CACNA2D1: variants seen among roughly 807,000 people sequenced by gnomAD.
The protein encoded by CACNA2D1 is calcium voltage-gated channel auxiliary subunit alpha2delta 1.
A neutral mutation model predicts 171.5 loss-of-function variants in CACNA2D1; 53 were observed. The observed-to-expected ratio is 0.31, with a 90% CI of 0.25 to 0.39. The LOEUF (loss-of-function observed/expected upper bound fraction) is 0.39. CACNA2D1 is among the 10% of genes least tolerant of loss of function. The pLI, the probability that CACNA2D1 is intolerant of heterozygous loss-of-function variation, is 1.00. For synonymous variants in CACNA2D1, 442 were observed against 443.1 expected (o/e 1.00, Z 0.03); for missense variants, 903 against 1,299.8 (o/e 0.69, Z 4.69).
intron 3 of CACNA2D1, among the ~76,000 whole-genome samples, chr7:82,265,683 A>G (rs568047859): frequency 6.6e-6 from 1 of 152,086 alleles, no homozygotes; most frequent in Non-Finnish European, 1.5e-5. Context: ...AGTATTATTT[A>G]GCTGTCTCGA....
chr7:82,368,638 T>C (rs1822011429), intron 1 of CACNA2D1, among the ~76,000 whole-genome samples: 1 of 152,200 alleles, frequency 6.6e-6, no homozygotes, highest in Non-Finnish European at 1.5e-5. Flanking sequence ...ACTAGAATTC[T>C]ATTATTGAAC....
intron 1 of CACNA2D1, among the ~76,000 whole-genome samples, chr7:82,412,465 T>C (rs1827777759): frequency 6.6e-6 from 1 of 151,868 alleles, no homozygotes; most frequent in Admixed American, 6.6e-5. Flanking sequence ...GTATGTTTAG[T>C]AGAGATGCGG....
At chr7:82,407,441 T>C (rs1269302308) in intron 1 of CACNA2D1, among the ~76,000 whole-genome samples, 1 of 152,208 alleles carries the variant, frequency 6.6e-6, no homozygotes, top group Non-Finnish European at 1.5e-5. Context: ...TATTTATTAA[T>C]TGATTTTTTT....
At chr7:82,257,402 T>G (rs1165215808) in intron 3 of CACNA2D1, among the ~76,000 whole-genome samples, 1 of 152,196 alleles carries the variant, frequency 6.6e-6, no homozygotes, top group Non-Finnish European at 1.5e-5. Context: ...TCATCTATTT[T>G]CAGGGAAAAA....
chr7:81,969,835 A>C, intron 28 of CACNA2D1, 46 bp downstream of exon 28: 1 of 1,060,060 alleles, frequency 9.4e-7, no homozygotes. Context: ...GCAGTAATTT[A>C]TTATTTAAAA....
chr7:82,392,341 C>T (rs1222342380), intron 1 of CACNA2D1, among the ~76,000 whole-genome samples: 1 of 152,246 alleles, frequency 6.6e-6, no homozygotes. Context: ...GGGGGCCACC[C>T]TCATGTCCCC....
chr7:82,365,164 G>T (rs774358995), intron 1 of CACNA2D1, among the ~76,000 whole-genome samples: 1 of 152,130 alleles, frequency 6.6e-6, no homozygotes, highest in Non-Finnish European at 1.5e-5. Flanking sequence ...GACTAGAAAG[G>T]AACGCACATT....
intron 1 of CACNA2D1, among the ~76,000 whole-genome samples, chr7:82,401,853 C>T (rs530561357): frequency 1.1e-4 from 17 of 151,946 alleles, no homozygotes; most frequent in African/African-American, 4.1e-4. Context: ...ATGGGGAAGA[C>T]AGAAAATGTG....
At chr7:82,000,601 T>A (rs2130825149) in intron 18 of CACNA2D1, among the ~76,000 whole-genome samples, 1 of 151,998 alleles carries the variant, frequency 6.6e-6, no homozygotes, top group South Asian at 2.1e-4. Context: ...CTTATTTATT[T>A]ACTCATTTTG....
intron 1 of CACNA2D1, among the ~76,000 whole-genome samples, chr7:82,429,421 T>C (rs1829483772): frequency 6.6e-6 from 1 of 152,070 alleles, no homozygotes; most frequent in South Asian, 2.1e-4. Context: ...CGATTCTGAG[T>C]AGCCTGCTGA....
chr7:81,981,276 C>A (rs1435959079), intron 24 of CACNA2D1, among the ~76,000 whole-genome samples: 1 of 152,076 alleles, frequency 6.6e-6, no homozygotes, highest in East Asian at 1.9e-4. Context: ...AGTGAATATG[C>A]AGCCAGAGAG....
chr7:82,303,601 T>A (rs1367919802), intron 3 of CACNA2D1, among the ~76,000 whole-genome samples: 1 of 151,936 alleles, frequency 6.6e-6, no homozygotes, highest in South Asian at 2.1e-4. Flanking sequence ...CATAGACCAA[T>A]GGAACAGAAC....
intron 3 of CACNA2D1, among the ~76,000 whole-genome samples, chr7:82,241,215 G>C (rs991786596): frequency 2.6e-5 from 4 of 152,048 alleles, no homozygotes; most frequent in African/African-American, 9.7e-5. Flanking sequence ...CCCTGATTAC[G>C]AATCAGACAC....
chr7:82,292,002 C>G (rs1811700985), intron 3 of CACNA2D1, among the ~76,000 whole-genome samples: 1 of 129,338 alleles, frequency 7.7e-6, no homozygotes, highest in Non-Finnish European at 1.5e-5. Flanking sequence ...CACATGCACG[C>G]ACACACACAC....
At chr7:82,186,189 AAGGGAGGGAGGG>A (rs539998713) in intron 3 of CACNA2D1, among the ~76,000 whole-genome samples, 46 of 102,430 alleles carry the variant, frequency 4.5e-4, no homozygotes, top group Admixed American at 1.1e-3. Context: ...GGAAGGAAGG[AAGGGAGGGAGGG>A]AGGGAGGGAG....
At chr7:82,019,004 G>GGTGGAT (rs1191365124) in intron 12 of CACNA2D1, among the ~76,000 whole-genome samples, 9 of 146,746 alleles carry the variant, frequency 6.1e-5, no homozygotes, top group African/African-American at 1.8e-4. Flanking sequence ...GTGGGGGTGG[G>GGTGGAT]GTGGATGGGG....
intron 7 of CACNA2D1, among the ~76,000 whole-genome samples, chr7:82,081,773 T>C (rs1383159687): frequency 6.6e-6 from 1 of 152,180 alleles, no homozygotes; most frequent in Non-Finnish European, 1.5e-5. Flanking sequence ...CCCCATCTAC[T>C]GTGCCTGCTG....
chr7:82,375,742 T>G (rs1822949662), intron 1 of CACNA2D1, among the ~76,000 whole-genome samples: 1 of 152,186 alleles, frequency 6.6e-6, no homozygotes, highest in Non-Finnish European at 1.5e-5. Context: ...TTTAGCACAG[T>G]GCTTAGTAAA....
At position 82,363,254 on chromosome 7, in the gene CACNA2D1, CTTTTTTTTTTTTTTTTT is replaced by C. The variant is rs35419275; in HGVS notation, c.96-13622_96-13606del. On this transcript the variant is annotated intron_variant, in intron 1 of 38. Coordinates refer to ENST00000356860, the MANE Select transcript of CACNA2D1 (RefSeq NM_000722.4). Reference sequence around the variant, plus strand: ...CTACCATAGTTTTATTTATTTGTCTCTTTTTTTTTTTTTTTTTTTTTTTTTTTTTGAGACGGAGTCTC... The same window carrying C: ...CTACCATAGTTTTATTTATTTGTCTCTTTTTTTTTTTTGAGACGGAGTCTC... 6.3e-5 allele frequency among the ~76,000 whole-genome samples: 4 copies of C among 63,420 alleles called. 1 individual carries two copies. Among genetic ancestry groups the C allele is most frequent in the African/African-American group, 1.7e-4 (2 of 11,950 alleles). 41.6% of individuals were successfully genotyped at this position (63,420 alleles called of 152,430 possible).
Sources: gnomAD v4.1 joint callset for allele counts (sites outside exome capture counted in the v4.1 genomes callset) on GRCh38, gnomAD v4.1.1 for gene constraint, MANE v1.5 for transcripts, NCBI Gene and HGNC (gene_info 2026-07-23, HGNC 2026-07-21) for gene names.